NUP93: variants seen among roughly 807,000 people sequenced by gnomAD.
The protein encoded by NUP93 is nucleoporin 93.
Under a neutral mutation model 107.8 loss-of-function variants are expected in NUP93, and 55 were observed. The ratio of observed to expected loss-of-function variants is 0.51; its 90% CI spans 0.41 to 0.64. NUP93 has a LOEUF of 0.64. NUP93 is among the 30% of genes least tolerant of loss of function. NUP93 has a pLI of 0.00. For synonymous variants in NUP93, 390 were observed against 397.5 expected (o/e 0.98, Z 0.22); for missense variants, 937 against 1,044.7 (o/e 0.90, Z 1.42).
At chr16:56,819,498 G>T (rs879335141) in intron 6 of NUP93, among the ~76,000 whole-genome samples, 1 of 152,206 alleles carries the variant, frequency 6.6e-6, no homozygotes, top group Admixed American at 6.5e-5. Context: ...AGGAATATCT[G>T]CTCAGCCATT....
chr16:56,805,646 A>G lies in NUP93; in HGVS notation c.489+14A>G. ...CAAGAAAGCGAGGTAGCTTGAATGCAAAAGATAAACTACTGTTAATAAAAA... is the reference window on the plus strand; with the variant it reads ...CAAGAAAGCGAGGTAGCTTGAATGCGAAAGATAAACTACTGTTAATAAAAA... On this transcript the variant is annotated intron_variant, in intron 5 of 21. Coordinates refer to ENST00000308159, the MANE Select transcript of NUP93 (RefSeq NM_014669.5). 6.2e-7 allele frequency: 1 copy of G among 1,611,220 alleles called. No homozygotes were observed. The highest frequency in any genetic ancestry group is 8.5e-7 in the Non-Finnish European group (1 of 1,178,048).
At chr16:56,822,416 G>A (rs1390769898) in intron 7 of NUP93, among the ~76,000 whole-genome samples, 2 of 151,462 alleles carry the variant, frequency 1.3e-5, no homozygotes, top group Non-Finnish European at 2.9e-5. Flanking sequence ...AGAGGCTGAG[G>A]TGGGAGGATT....
chr16:56,844,590 T>C lies in NUP93; in HGVS notation c.2441T>C (p.Met814Thr), dbSNP rs1324994510. 6.3e-7 allele frequency: 1 copy of C among 1,593,856 alleles called. No individual in the cohort carries two copies. Among genetic ancestry groups the C allele is most frequent in the Non-Finnish European group, 8.5e-7 (1 of 1,170,366 alleles). ...SGDTNARLVQ[M>T]EVLMN is the part of the protein sequence containing the mutation. ...GACACCAATGCGAGGCTGGTGCAGA[T>C]GGAGGTCCTCATGAATTAAGTGCCA... Residue 814 changes from methionine to threonine, a missense_variant, in exon 22 of 22, where the codon ATG (methionine) becomes ACG (threonine). Transcript: ENST00000308159.
intron 3 of NUP93, chr16:56,782,241 A>G (rs1342265193): frequency 2.0e-6 from 2 of 979,870 alleles, no homozygotes; most frequent in Admixed American, 6.2e-5. Context: ...TTTGTAAAGA[A>G]ATTAAGACAA....
intron 3 of NUP93, among the ~76,000 whole-genome samples, chr16:56,787,441 T>TTAGGATTAAGTAGG: frequency 1.3e-5 from 2 of 152,222 alleles, no homozygotes; most frequent in South Asian, 4.1e-4. Context: ...TAAGTAGAAC[T>TTAGGATTAAGTAGG]CGAGGCTTAA....
At position 56,844,596 on chromosome 16, in the gene NUP93, T is replaced by A; in HGVS notation, c.2447T>A (p.Val816Asp). The change falls in exon 22 of 22, where the codon GTC becomes GAC. Residue 816 changes from valine (V) to aspartate (D), a missense_variant. Val to Asp is a radical substitution (Grantham distance 152, BLOSUM62 -3). Transcript: ENST00000308159. ...AATGCGAGGCTGGTGCAGATGGAGGTCCTCATGAATTAAGTGCCATGCTTT... is the reference window on the plus strand; with the variant it reads ...AATGCGAGGCTGGTGCAGATGGAGGACCTCATGAATTAAGTGCCATGCTTT... Reference protein sequence around the residue: ...DTNARLVQMEVLMN With the variant: ...DTNARLVQMEDLMN 1 of 1,590,756 alleles carries A rather than the reference T, an allele frequency of 6.3e-7. No individual in the cohort carries two copies. Among genetic ancestry groups the A allele is most frequent in the Non-Finnish European group, 8.6e-7 (1 of 1,168,674 alleles).
At chr16:56,760,527 G>A (rs1399355195) in intron 3 of NUP93, among the ~76,000 whole-genome samples, 1 of 152,104 alleles carries the variant, frequency 6.6e-6, no homozygotes, top group African/African-American at 2.4e-5. Flanking sequence ...AAGGCAAAGT[G>A]GGAGCTTGCA....
chr16:56,815,947 C>T (rs60873800), intron 5 of NUP93, among the ~76,000 whole-genome samples: 5,394 of 152,214 alleles, frequency 0.035, 130 homozygotes, highest in East Asian at 0.076. Context: ...ACTACTACTA[C>T]TACCACTACT....
At chr16:56,814,497 C>G (rs1296574352) in intron 5 of NUP93, among the ~76,000 whole-genome samples, 1 of 152,108 alleles carries the variant, frequency 6.6e-6, no homozygotes, top group Non-Finnish European at 1.5e-5. Flanking sequence ...GCCTGCATTT[C>G]GTTTTTTTCT....
chr16:56,815,339 A>T (rs1437367375), intron 5 of NUP93, among the ~76,000 whole-genome samples: 1 of 152,218 alleles, frequency 6.6e-6, no homozygotes, highest in Non-Finnish European at 1.5e-5. Flanking sequence ...TGTTTTAGAA[A>T]GGTGGCTGTC....
At chr16:56,794,086 GTAGGTAGATAGATAGA>G (rs1198317294) in intron 3 of NUP93, among the ~76,000 whole-genome samples, 82 of 135,716 alleles carry the variant, frequency 6.0e-4, no homozygotes, top group African/African-American at 1.3e-3. Flanking sequence ...AGGTAGGTAG[GTAGGTAGATAGATAGA>G]TAGATAGATA....
chr16:56,757,939 G>A (rs1454885756), intron 2 of NUP93, among the ~76,000 whole-genome samples: 1 of 152,110 alleles, frequency 6.6e-6, no homozygotes, highest in Non-Finnish European at 1.5e-5. Flanking sequence ...GTAGGATGGT[G>A]GTTAAGAGTT....
chr16:56,789,483 G>C (rs1238525121), intron 3 of NUP93, among the ~76,000 whole-genome samples: 1 of 152,226 alleles, frequency 6.6e-6, no homozygotes, highest in Non-Finnish European at 1.5e-5. Flanking sequence ...CAGATGGCCT[G>C]GTGCCCACAC....
chr16:56,762,397 A>G (rs1265766163), intron 3 of NUP93, among the ~76,000 whole-genome samples: 2 of 152,224 alleles, frequency 1.3e-5, no homozygotes, highest in Non-Finnish European at 2.9e-5. Context: ...AGGCTATAAT[A>G]TTTTTAAATG....
At chr16:56,821,392 C>T in intron 6 of NUP93, 112 bp from the exon 7 acceptor site, 1 of 694,014 alleles carries the variant, frequency 1.4e-6, no homozygotes, top group South Asian at 1.7e-5. Flanking sequence ...CTCAGCCACT[C>T]CGAGGAAGGA....
rs529321757 is a variant in NUP93 at position 56,846,097 on chromosome 16, A to T, written c.*1488A>T. 5.9e-5 allele frequency: 9 copies of T among 152,288 alleles called. No individual in the cohort carries two copies. Among genetic ancestry groups the T allele is most frequent in the African/African-American group, 1.9e-4 (8 of 41,546 alleles). 9.4% of individuals were successfully genotyped at this position (152,288 alleles called of 1,614,324 possible). A position where few individuals can be genotyped will look rare whatever the true frequency, so the allele number is the denominator to read the frequency against. On this transcript the variant is annotated 3_prime_UTR_variant, in exon 22 of 22. Transcript: ENST00000308159. ...TGTGCTGATTTAAGCTAATCAAATG[A>T]TTTAATAGTGCTTTTTAAAAAAGAG...
chr16:56,788,404 A>G (rs1020130956), intron 3 of NUP93, among the ~76,000 whole-genome samples: 4 of 152,174 alleles, frequency 2.6e-5, no homozygotes, highest in Admixed American at 2.0e-4. Flanking sequence ...TGCTTCTACA[A>G]CCCTACAAGG....
chr16:56,738,670 T>G (rs963913680), intron 1 of NUP93, among the ~76,000 whole-genome samples: 14 of 152,198 alleles, frequency 9.2e-5, no homozygotes, highest in African/African-American at 3.1e-4. Context: ...ATTTAATTTT[T>G]TTGGGGTTGT....
Position 56,838,965 on chromosome 16 carries a change from G to A in NUP93, c.2032G>A (p.Gly678Arg), listed in dbSNP as rs1963966355. 6.2e-7 allele frequency: 1 copy of A among 1,613,222 alleles called. No individual in the cohort carries two copies. The highest frequency in any genetic ancestry group is 8.5e-7 in the Non-Finnish European group (1 of 1,179,690). ...LSIAERYRAQ[G>R]ISANKFVDST... ...TTTGTCTTTCAGGTATAGGGCTCAA[G>A]GAATAAGCGCAAATAAATTTGTGGA... is the stretch of plus-strand genomic sequence containing the variant. The change falls in exon 19 of 22, where the codon GGA (glycine) becomes AGA (arginine). Residue 678 changes from glycine to arginine, a missense_variant. Gly to Arg is a moderately radical substitution (Grantham distance 125). Coordinates refer to ENST00000308159, the MANE Select transcript of NUP93 (RefSeq NM_014669.5).
Sources: allele counts gnomAD v4.1 joint callset (sites outside exome capture counted in the v4.1 genomes callset), GRCh38; gene constraint gnomAD v4.1.1; transcripts MANE v1.5; gene names NCBI Gene and HGNC (gene_info 2026-07-23, HGNC 2026-07-21).